The following PPM1L variants were observed in gnomAD, a reference collection of about 807,000 sequenced individuals.
PPM1L encodes protein phosphatase 1L.
Under a neutral mutation model 31.4 loss-of-function variants are expected in PPM1L, and 13 were observed. The ratio of observed to expected loss-of-function variants is 0.41; its 90% CI spans 0.27 to 0.66. PPM1L has a LOEUF of 0.66. Among genes scored for constraint, PPM1L ranks in the 30% least tolerant of loss-of-function variants. PPM1L has a pLI of 0.29. For missense variants in PPM1L, 326 were observed against 453.7 expected (o/e 0.72, Z 2.56); for synonymous variants, 184 against 175.4 (o/e 1.05, Z -0.39).
intron 1 of PPM1L, among the ~76,000 whole-genome samples, chr3:160,928,533 T>A (rs1006030459): frequency 2.6e-5 from 4 of 152,228 alleles, no homozygotes; most frequent in Non-Finnish European, 5.9e-5. Context: ...CGACTCCCTC[T>A]ATTGGAGAGA....
chr3:160,981,776 T>A (rs1024409045), intron 2 of PPM1L, among the ~76,000 whole-genome samples: 3 of 77,894 alleles, frequency 3.9e-5, no homozygotes, highest in Admixed American at 2.2e-4. Flanking sequence ...TTATTTATTT[T>A]TATTGAGATG....
rs1403503815 is a variant in PPM1L, at chr3:160,756,305, A to G, written c.-4A>G. On this transcript the variant is annotated 5_prime_UTR_variant, in exon 1 of 4. Transcript: ENST00000498165. This position sits in a 1 kb window ranked among gnomAD's most constrained non-coding sequence, Gnocchi z 6.2. Reference sequence around the variant, plus strand: ...GGTGGTGGTTGAGGCTCTAGCGATAATAAATGATAGAGGATACAATGACTT... The same window carrying G: ...GGTGGTGGTTGAGGCTCTAGCGATAGTAAATGATAGAGGATACAATGACTT... 1 of 1,603,248 alleles carries G rather than the reference A, an allele frequency of 6.2e-7. No individual in the cohort carries two copies. Among genetic ancestry groups the G allele is most frequent in the Admixed American group, 1.7e-5 (1 of 59,648 alleles).
In PPM1L at chr3:160,757,072, C is replaced by T. The variant is rs374831158; in HGVS notation, c.399+365C>T. Among the ~76,000 whole-genome samples the T allele has an allele frequency of 5.9e-5, 9 of 152,096 alleles. No individual in the cohort carries two copies. The East Asian group carries it at 1.5e-3, about 26-fold the overall frequency. On this transcript the variant is annotated intron_variant, in intron 1 of 3. Transcript: ENST00000498165. ...TCTCCAGTGAACTTTGGTCCCAGAC[C>T]CCAGTGCCCTTGTTCTAGGGTTTGA...
intron 1 of PPM1L, among the ~76,000 whole-genome samples, chr3:160,796,779 G>A (rs1712261890): frequency 6.6e-6 from 1 of 152,164 alleles, no homozygotes; most frequent in African/African-American, 2.4e-5. Flanking sequence ...AATTTATAGG[G>A]TAAGAGTATG....
chr3:160,866,386 TAAC>T (rs1186011136), intron 1 of PPM1L, among the ~76,000 whole-genome samples: 7 of 152,182 alleles, frequency 4.6e-5, no homozygotes, highest in African/African-American at 1.7e-4. Context: ...CATGAAAACA[TAAC>T]AAAACTTTAC....
chr3:161,037,776 A>G (rs1006464763), intron 2 of PPM1L, among the ~76,000 whole-genome samples: 3 of 151,826 alleles, frequency 2.0e-5, no homozygotes, highest in Admixed American at 6.6e-5. Context: ...CCACAAGCTC[A>G]TGAGAGATCC....
At chr3:160,988,240 A>G (rs763333290) in intron 2 of PPM1L, among the ~76,000 whole-genome samples, 4 of 152,214 alleles carry the variant, frequency 2.6e-5, no homozygotes, top group Non-Finnish European at 4.4e-5. Flanking sequence ...ATTAATGTTT[A>G]TATGACATCC....
chr3:160,964,604 A>C (rs1285308687), intron 2 of PPM1L, among the ~76,000 whole-genome samples: 1 of 152,008 alleles, frequency 6.6e-6, no homozygotes, highest in Admixed American at 6.6e-5. Flanking sequence ...CCGTATTCTA[A>C]CTTAGTCTTT....
intron 1 of PPM1L, among the ~76,000 whole-genome samples, chr3:160,881,959 G>A (rs761907255): frequency 2.0e-5 from 3 of 151,936 alleles, no homozygotes; most frequent in Non-Finnish European, 4.4e-5. Flanking sequence ...GCTGAGGCAG[G>A]AGAATGGTGT....
chr3:160,812,847 T>A (rs1416251554), intron 1 of PPM1L, among the ~76,000 whole-genome samples: 6 of 152,212 alleles, frequency 3.9e-5, no homozygotes, highest in Non-Finnish European at 7.3e-5. Context: ...AGTACATGGC[T>A]GCATTTAGCA....
At chr3:160,971,210 T>C (rs1716331671) in intron 2 of PPM1L, among the ~76,000 whole-genome samples, 1 of 152,238 alleles carries the variant, frequency 6.6e-6, no homozygotes, top group Admixed American at 6.5e-5. Flanking sequence ...TCTCTCTGCA[T>C]GGTTTCTTCA....
intron 2 of PPM1L, among the ~76,000 whole-genome samples, chr3:161,039,429 G>A (rs1382444966): frequency 2.6e-5 from 4 of 152,164 alleles, no homozygotes; most frequent in African/African-American, 9.7e-5. Context: ...AGGAGGGGGC[G>A]TGTATTTTTT....
intron 2 of PPM1L, among the ~76,000 whole-genome samples, chr3:161,032,185 G>C (rs16831799): frequency 0.047 from 7,180 of 152,232 alleles, 430 homozygotes; most frequent in African/African-American, 0.12. Flanking sequence ...TTTCCTGTAA[G>C]TGGCAGCATG....
intron 2 of PPM1L, among the ~76,000 whole-genome samples, chr3:160,962,828 A>G (rs1295331856): frequency 2.0e-5 from 3 of 152,012 alleles, no homozygotes; most frequent in African/African-American, 7.2e-5. Context: ...ATTATACTAC[A>G]TTCACCTAAC....
At chr3:160,770,079 A>G (rs189281928) in intron 1 of PPM1L, among the ~76,000 whole-genome samples, 1 of 152,354 alleles carries the variant, frequency 6.6e-6, no homozygotes, top group African/African-American at 2.4e-5. Flanking sequence ...GTCAATTTAT[A>G]AAAATGCTTA....
intron 2 of PPM1L, among the ~76,000 whole-genome samples, chr3:161,032,603 A>G (rs1231235853): frequency 6.6e-6 from 1 of 152,030 alleles, no homozygotes; most frequent in Non-Finnish European, 1.5e-5. Flanking sequence ...GGGGGTGAAG[A>G]GGGAGGAAGT....
chr3:160,917,318 A>G (rs1337282460), intron 1 of PPM1L, among the ~76,000 whole-genome samples: 1 of 152,224 alleles, frequency 6.6e-6, no homozygotes. Context: ...CTAGCTAGTT[A>G]TATAGATTCA....
At chr3:160,783,571 G>A (rs1186753250) in intron 1 of PPM1L, among the ~76,000 whole-genome samples, 2 of 145,020 alleles carry the variant, frequency 1.4e-5, no homozygotes, top group African/African-American at 5.2e-5. Context: ...TTGCACTCCA[G>A]CCTGGGCAAC....
intron 1 of PPM1L, among the ~76,000 whole-genome samples, chr3:160,774,740 GTTCCCCTCGA>G (rs1028215181): frequency 2.0e-5 from 3 of 152,176 alleles, no homozygotes; most frequent in African/African-American, 7.2e-5. Flanking sequence ...TTATTTCAAG[GTTCCCCTCGA>G]TTTCCAGCTC....
Sources: gnomAD v4.1 joint callset for allele counts (sites outside exome capture counted in the v4.1 genomes callset) on GRCh38, gnomAD v4.1.1 for gene constraint, Gnocchi (gnomAD v3.1) non-coding constraint, MANE v1.5 for transcripts, NCBI Gene and HGNC (gene_info 2026-07-23, HGNC 2026-07-21) for gene names.